HMCN1: variants seen among roughly 807,000 people sequenced by gnomAD.
HMCN1 encodes the protein hemicentin 1, also known as hemicentin-1.
A neutral mutation model predicts 625.9 loss-of-function variants in HMCN1; 321 were observed. The ratio of observed to expected loss-of-function variants is 0.51; its 90% CI spans 0.47 to 0.56. The LOEUF is 0.56. Among genes scored for constraint, HMCN1 ranks in the 20% least tolerant of loss-of-function variants. The probability of loss-of-function intolerance (pLI) is 0.00; values close to 1 mark genes in which losing one functional copy is unlikely to be tolerated. For missense variants in HMCN1, 6,588 were observed against 6,887.3 expected, an observed-to-expected ratio of 0.96 and a Z score of 1.54; for synonymous variants, 2,425 against 2,417.6, an observed-to-expected ratio of 1.00 and a Z score of -0.09.
chr1:185,959,157 T>C (rs554044078), intron 11 of HMCN1, among the ~76,000 whole-genome samples: 83 of 152,346 alleles, frequency 5.4e-4, no homozygotes, highest in African/African-American at 2.0e-3. Flanking sequence ...ATTTGCATTA[T>C]CTAATTAATT....
intron 93 of HMCN1, among the ~76,000 whole-genome samples, chr1:186,149,442 T>C (rs1436621284): frequency 1.3e-5 from 2 of 152,228 alleles, no homozygotes; most frequent in Non-Finnish European, 2.9e-5. Flanking sequence ...TCAAGCTTTG[T>C]GGAACTAAAG....
chr1:186,016,107 A>G lies in HMCN1; in HGVS notation c.5059A>G (p.Asn1687Asp). The stretch of plus-strand genomic sequence containing the variant: ...TGGTGTACCTGTGAAAGCTAATGAC[A>G]ATATCCGCATAGAAGCTGGTGGGAA... Reference protein sequence around the residue: ...KDGVPVKANDNIRIEAGGKKL... With the variant: ...KDGVPVKANDDIRIEAGGKKL... Residue 1687 changes from asparagine to aspartate, a missense_variant, in exon 32 of 107, where the codon AAT becomes GAT. This residue lies in a region of HMCN1 where 4,628 missense variants were observed against 4,853.1 expected (regional missense o/e 0.95). Transcript: ENST00000271588. The G allele has an allele frequency of 5.0e-6, 8 of 1,613,498 alleles. No homozygotes were observed. The highest frequency in any genetic ancestry group is 6.8e-6 in the Non-Finnish European group (8 of 1,179,608).
intron 1 of HMCN1, among the ~76,000 whole-genome samples, chr1:185,746,940 T>C (rs1654447026): frequency 6.6e-6 from 1 of 152,122 alleles, no homozygotes; most frequent in Non-Finnish European, 1.5e-5. Context: ...ACCAGTCATA[T>C]TGGATTAGCG....
At chr1:186,180,285 T>A (rs879350343) in intron 104 of HMCN1, among the ~76,000 whole-genome samples, 2 of 152,210 alleles carry the variant, frequency 1.3e-5, no homozygotes, top group Non-Finnish European at 2.9e-5. Flanking sequence ...TAACATCTGA[T>A]ATTTTGTCTT....
chr1:185,813,138 C>T (rs1571390205), intron 1 of HMCN1, among the ~76,000 whole-genome samples: 1 of 152,222 alleles, frequency 6.6e-6, no homozygotes, highest in East Asian at 1.9e-4. Context: ...GACTTGGCCC[C>T]ATAATAGTTG....
intron 104 of HMCN1, 116 bp from the exon 105 acceptor site, chr1:186,182,052 A>G: frequency 1.7e-6 from 2 of 1,159,920 alleles, no homozygotes; most frequent in Non-Finnish European, 2.6e-6. Context: ...ACACATGAGT[A>G]TAAAATCACC....
chr1:185,752,946 C>T (rs542897935), intron 1 of HMCN1, among the ~76,000 whole-genome samples: 28 of 152,144 alleles, frequency 1.8e-4, no homozygotes, highest in African/African-American at 6.7e-4. Context: ...TCAATGTTAG[C>T]AAACCAATCT....
chr1:186,160,357 C>T (rs1651367135), intron 97 of HMCN1, among the ~76,000 whole-genome samples: 1 of 146,422 alleles, frequency 6.8e-6, no homozygotes, highest in Non-Finnish European at 1.5e-5. Context: ...TTTGTTGATC[C>T]TTTCAAAAAA....
intron 1 of HMCN1, among the ~76,000 whole-genome samples, chr1:185,817,417 A>G (rs2102260280): frequency 6.6e-6 from 1 of 152,260 alleles, no homozygotes; most frequent in Non-Finnish European, 1.5e-5. Flanking sequence ...AATGCATAGC[A>G]ATAAGCAGAA....
rs569854984 is a variant in HMCN1 at position 186,125,758 on chromosome 1, T to C, written c.12654T>C (p.Ala4218=). Residue 4218 remains alanine, a synonymous_variant, in exon 82 of 107, where the codon GCT becomes GCC. Transcript: ENST00000271588. The stretch of plus-strand genomic sequence containing the variant: ...CTAACTTGTTAGGAAAATACACTGC[T>C]GAACCATATGGAGAACTCATTTTAG... ...LLANLLGKYT[A]EPYGELILEN... is the part of the protein sequence containing the mutation. 8.1e-5 allele frequency: 131 copies of C among 1,613,232 alleles called. No individual in the cohort carries two copies. The highest frequency in any genetic ancestry group is 1.0e-4 in the Non-Finnish European group (123 of 1,179,428).
intron 46 of HMCN1, among the ~76,000 whole-genome samples, 189 bp downstream of exon 46, chr1:186,057,590 C>CA (rs1657425191): frequency 6.6e-6 from 1 of 151,782 alleles, no homozygotes; most frequent in Admixed American, 6.6e-5. Context: ...GAGAAATCTC[C>CA]AAATATCTCT....
intron 42 of HMCN1, among the ~76,000 whole-genome samples, chr1:186,052,142 AAG>A (rs146696201): frequency 3.9e-4 from 58 of 149,390 alleles, no homozygotes; most frequent in East Asian, 1.4e-3. Context: ...AGATGGTAAA[AAG>A]AGAGAGAGAG....
intron 40 of HMCN1, among the ~76,000 whole-genome samples, chr1:186,043,608 T>G (rs1656355220): frequency 6.6e-6 from 1 of 152,178 alleles, no homozygotes; most frequent in African/African-American, 2.4e-5. Context: ...CTTTTGTAGA[T>G]TCTACAAATA....
Position 185,997,519 on chromosome 1 carries a change from CA to C in HMCN1, c.3873del (p.Gly1292ValfsTer16). 1 of 1,602,216 alleles carries C rather than the reference CA, an allele frequency of 6.2e-7. No homozygotes were observed. The highest frequency in any genetic ancestry group is 8.5e-7 in the Non-Finnish European group (1 of 1,169,806). ...ANQRIEFPCP[A>X]KGTPKPTIKW... ...CAACGCATTGAATTTCCATGTCCTGCAAAAGGTACGTAATACTGAAAGATAT... is the reference window on the plus strand; with the variant it reads ...CAACGCATTGAATTTCCATGTCCTGCAAAGGTACGTAATACTGAAAGATAT... On this transcript the variant is annotated frameshift_variant, in exon 25 of 107. Transcript: ENST00000271588. LOFTEE classifies it high-confidence loss of function.
chr1:186,163,216 G>A (rs554822577), intron 97 of HMCN1, among the ~76,000 whole-genome samples: 3 of 152,332 alleles, frequency 2.0e-5, no homozygotes, highest in Non-Finnish European at 4.4e-5. Context: ...TGAGCCAGGT[G>A]CAGGATATAA....
chr1:186,062,263 T>C (rs978926891), intron 47 of HMCN1, among the ~76,000 whole-genome samples: 2 of 152,190 alleles, frequency 1.3e-5, no homozygotes, highest in African/African-American at 4.8e-5. Flanking sequence ...ATAAATGTTC[T>C]TGGTGATTTG....
At chr1:185,865,962 A>G (rs1663166133) in intron 4 of HMCN1, 99 bp downstream of exon 4, 7 of 1,232,616 alleles carry the variant, frequency 5.7e-6, no homozygotes, top group Non-Finnish European at 8.2e-6. Flanking sequence ...AAACAATTTT[A>G]ACCAAAAGGT....
chr1:185,969,455 T>C (rs1324746924), intron 14 of HMCN1, among the ~76,000 whole-genome samples: 1 of 152,186 alleles, frequency 6.6e-6, no homozygotes, highest in Admixed American at 6.5e-5. Context: ...CTGTTGGCTG[T>C]TGCTGTTTGC....
intron 6 of HMCN1, among the ~76,000 whole-genome samples, chr1:185,913,967 G>A (rs1666564785): frequency 6.6e-6 from 1 of 152,020 alleles, no homozygotes; most frequent in Admixed American, 6.6e-5. Context: ...TCTAAGCTCA[G>A]TCTCCTATAA....
Sources: allele counts gnomAD v4.1 joint callset (sites outside exome capture counted in the v4.1 genomes callset), GRCh38; gene constraint gnomAD v4.1.1; regional missense constraint gnomAD v4.1.1; transcripts MANE v1.5; gene names NCBI Gene and HGNC (gene_info 2026-07-23, HGNC 2026-07-21).